NEDD1: variants seen among roughly 807,000 people sequenced by gnomAD.
NEDD1 encodes NEDD1 gamma-tubulin ring complex targeting factor, also known as protein NEDD1.
Under a neutral mutation model 74.0 loss-of-function variants are expected in NEDD1, and 33 were observed. That is an observed-to-expected ratio of 0.45 (90% CI 0.34 to 0.60). The LOEUF is 0.60. Among genes scored for constraint, NEDD1 ranks in the 20% least tolerant of loss-of-function variants. The pLI is 0.01. For synonymous variants in NEDD1, 250 were observed against 264.4 expected, an observed-to-expected ratio of 0.95 and a Z score of 0.53; for missense variants, 746 against 776.5, an observed-to-expected ratio of 0.96 and a Z score of 0.47.
At chr12:96,945,038 T>C (rs1019398764) in intron 13 of NEDD1, among the ~76,000 whole-genome samples, 3 of 151,936 alleles carry the variant, frequency 2.0e-5, no homozygotes, top group Non-Finnish European at 2.9e-5. Context: ...TATGTGTCTT[T>C]AATATGGTAG....
Position 96,951,436 on chromosome 12 carries a change from G to C in NEDD1, c.1816G>C (p.Ala606Pro). 3 of 1,551,514 alleles carry C rather than the reference G, an allele frequency of 1.9e-6. No homozygotes were observed. Among genetic ancestry groups the C allele is most frequent in the Non-Finnish European group, 2.7e-6 (3 of 1,130,186 alleles). ...AGTATTTTACATTCTTCCTAGAGAA[G>C]CATGCCATAGGGACATTGTGAATTT... ...IQETLDDFRE[A>P]CHRDIVNLQV... The change falls in exon 15 of 16, where the codon GCA (alanine) becomes CCA (proline). Residue 606 changes from alanine to proline, a missense_variant. This residue lies in a region of NEDD1 where 706 missense variants were observed against 706.7 expected (regional missense o/e 1.00). Coordinates refer to ENST00000266742, the MANE Select transcript of NEDD1 (RefSeq NM_152905.4).
At chr12:96,923,849 C>CGT (rs138392345) in intron 6 of NEDD1, among the ~76,000 whole-genome samples, 5 of 122,456 alleles carry the variant, frequency 4.1e-5, no homozygotes, top group East Asian at 2.6e-4. Flanking sequence ...TGCCTGTTTG[C>CGT]GTGTGTGTGT....
At chr12:96,926,834 A>C (rs1297934072) in intron 6 of NEDD1, among the ~76,000 whole-genome samples, 1 of 151,988 alleles carries the variant, frequency 6.6e-6, no homozygotes, top group East Asian at 1.9e-4. Flanking sequence ...AAAAAATACA[A>C]AAATTAGCCA....
chr12:96,927,193 G>A (rs1308051766), intron 6 of NEDD1, among the ~76,000 whole-genome samples: 1 of 152,088 alleles, frequency 6.6e-6, no homozygotes, highest in Non-Finnish European at 1.5e-5. Flanking sequence ...TTGCTTCTAT[G>A]AACAATCACA....
intron 6 of NEDD1, among the ~76,000 whole-genome samples, chr12:96,929,623 A>ATATAT (rs773021014): frequency 0.013 from 1,601 of 126,168 alleles, 32 homozygotes; most frequent in African/African-American, 0.044. Context: ...ATATATATAT[A>ATATAT]TTTTTTTTTT....
Position 96,909,799 on chromosome 12 carries a change from A to G in NEDD1, c.40A>G (p.Ile14Val). ...NLRFASSGDDIKIWDASSMTL... is the reference protein window; with the variant it reads ...NLRFASSGDDVKIWDASSMTL... The stretch of plus-strand genomic sequence containing the variant: ...CAGATTTGCTTCATCAGGAGATGAT[A>G]TTAAAATATGGGATGCTTCATCTAT... The change falls in exon 3 of 16, where the codon ATT becomes GTT. Residue 14 changes from isoleucine to valine, a missense_variant. This residue lies in a region of NEDD1 where 11 missense variants were observed against 19.0 expected (regional missense o/e 0.58). Transcript: ENST00000266742. 1 of 1,613,616 alleles carries G rather than the reference A, an allele frequency of 6.2e-7. No homozygotes were observed. Among genetic ancestry groups the G allele is most frequent in the Non-Finnish European group, 8.5e-7 (1 of 1,179,562 alleles).
intron 6 of NEDD1, among the ~76,000 whole-genome samples, chr12:96,927,838 T>C (rs1321450226): frequency 6.6e-6 from 1 of 152,178 alleles, no homozygotes; most frequent in Non-Finnish European, 1.5e-5. Flanking sequence ...TATACCAGAA[T>C]TGCAGCACTC....
intron 10 of NEDD1, 75 bp from the exon 11 acceptor site, chr12:96,942,502 G>A: frequency 2.7e-6 from 2 of 752,460 alleles, no homozygotes; most frequent in Admixed American, 2.1e-5. Context: ...ACTCTTTGGG[G>A]AATGAATAAG....
rs748185733 is a variant in NEDD1, at chr12:96,939,982, C to T, written c.1118-427C>T. The stretch of plus-strand genomic sequence containing the variant: ...TTGAATCCTGCTGTATGTTAGGCAT[C>T]GCTCTATATGCCTTACAGACTAAAA... On this transcript the variant is annotated intron_variant, in intron 9 of 15. Coordinates refer to ENST00000266742, the MANE Select transcript of NEDD1 (RefSeq NM_152905.4). 3.3e-5 allele frequency among the ~76,000 whole-genome samples: 5 copies of T among 151,920 alleles called. No homozygotes were observed. The East Asian group carries it at 5.8e-4, about 18-fold the overall frequency.
At chr12:96,923,786 GTT>G (rs1344638541) in intron 6 of NEDD1, among the ~76,000 whole-genome samples, 1 of 116,000 alleles carries the variant, frequency 8.6e-6, no homozygotes, top group Non-Finnish European at 1.8e-5. Context: ...CTTAATACCT[GTT>G]TGTGTGTGTG....
chr12:96,929,405 G>A (rs1876100017), intron 6 of NEDD1, among the ~76,000 whole-genome samples: 1 of 122,684 alleles, frequency 8.2e-6, no homozygotes, highest in Non-Finnish European at 1.8e-5. Context: ...CTGATCTTCT[G>A]TTGAGAACGT....
rs1290976824 is a variant in NEDD1 at position 96,909,830 on chromosome 12, T to C, written c.71T>C (p.Leu24Ser). 1.2e-6 allele frequency: 2 copies of C among 1,613,462 alleles called. No individual in the cohort carries two copies. The highest frequency in any genetic ancestry group is 1.7e-5 in the Admixed American group (1 of 59,994). The change falls in exon 3 of 16, where the codon TTG becomes TCG. Residue 24 changes from leucine to serine, a missense_variant. Transcript: ENST00000266742. ...ATATGGGATGCTTCATCTATGACAT[T>C]GGTGGATAAATTCAACCCACACACA... ...IKIWDASSMT[L>S]VDKFNPHTSP... is the part of the protein sequence containing the mutation.
At chr12:96,925,393 G>A (rs899598263) in intron 6 of NEDD1, among the ~76,000 whole-genome samples, 2 of 152,086 alleles carry the variant, frequency 1.3e-5, no homozygotes, top group African/African-American at 2.4e-5. Flanking sequence ...ACATTGTCTC[G>A]TTTAATCTTT....
chr12:96,936,784 C>T lies in NEDD1; in HGVS notation c.893C>T (p.Ala298Val), dbSNP rs1877146453. ...SAHKTSVQCI[A>V]FQYSTVLTKS... is the part of the protein sequence containing the mutation. ...CACAAGACATCTGTGCAGTGTATAG[C>T]ATTTCAGTACTCCACTGTTCTTACT... Residue 298 changes from alanine (A) to valine (V), a missense_variant, in exon 8 of 16, where the codon GCA (alanine) becomes GTA (valine). Around this residue, in one of 3 missense-constraint regions of NEDD1, gnomAD observed 706 missense variants for 706.7 expected, o/e 1.00. Coordinates refer to ENST00000266742, the MANE Select transcript of NEDD1 (RefSeq NM_152905.4). The T allele has an allele frequency of 4.4e-6, 7 of 1,608,140 alleles. No individual in the cohort carries two copies. The highest frequency in any genetic ancestry group is 6.0e-6 in the Non-Finnish European group (7 of 1,174,824).
In NEDD1 at chr12:96,935,083, T is replaced by C; in HGVS notation, c.597T>C (p.His199=). The change falls in exon 7 of 16, where the codon CAT becomes CAC. Residue 199 remains histidine (H), a synonymous_variant. Coordinates refer to ENST00000266742, the MANE Select transcript of NEDD1 (RefSeq NM_152905.4). ...ATGTAAATAGTCAGAGTCCATACCA[T>C]AACTTTGACAGTGTACACAAAGCTC... is the stretch of plus-strand genomic sequence containing the variant. ...LWDVNSQSPY[H]NFDSVHKAPA... The C allele has an allele frequency of 1.2e-6, 2 of 1,609,554 alleles. No individual in the cohort carries two copies. Among genetic ancestry groups the C allele is most frequent in the Non-Finnish European group, 1.7e-6 (2 of 1,175,794 alleles).
chr12:96,927,396 A>T (rs1042278015), intron 6 of NEDD1, among the ~76,000 whole-genome samples: 1 of 152,318 alleles, frequency 6.6e-6, no homozygotes, highest in East Asian at 1.9e-4. Context: ...GTGTCTTTCT[A>T]CAGGGGAAAA....
intron 5 of NEDD1, 22 bp from the exon 6 acceptor site, chr12:96,919,963 T>TA: frequency 1.3e-6 from 2 of 1,578,072 alleles, no homozygotes; most frequent in Non-Finnish European, 1.7e-6. Context: ...GCAGTGTACT[T>TA]ACTTTCATTT....
intron 6 of NEDD1, among the ~76,000 whole-genome samples, chr12:96,922,886 A>G (rs1438465398): frequency 6.6e-6 from 1 of 152,148 alleles, no homozygotes; most frequent in Non-Finnish European, 1.5e-5. Flanking sequence ...AGGCTGAGGC[A>G]GGCAGATCCC....
rs754776747 is a variant in NEDD1, at chr12:96,952,039, C to T, written c.1969C>T (p.Arg657Trp). Residue 657 changes from arginine (R) to tryptophan (W), a missense_variant, in exon 16 of 16, where the codon CGG becomes TGG. Physicochemically the swap from Arg to Trp is moderately radical, Grantham distance 101. This residue lies in a region of NEDD1 where 29 missense variants were observed against 50.8 expected (regional missense o/e 0.57). Coordinates refer to ENST00000266742, the MANE Select transcript of NEDD1 (RefSeq NM_152905.4). ...ACTACGAGAAGAAAACAAAAGATTA[C>T]GGGCCCACTTTTGAAATTTCAGTGA... The part of the protein sequence containing the change: ...ERLREENKRL[R>W]AHF The T allele has an allele frequency of 6.3e-6, 10 of 1,592,080 alleles. No individual in the cohort carries two copies. The highest frequency in any genetic ancestry group is 2.2e-5 in the South Asian group (2 of 90,482).
Sources: gnomAD v4.1 joint callset for allele counts (sites outside exome capture counted in the v4.1 genomes callset) on GRCh38, gnomAD v4.1.1 for gene constraint, gnomAD v4.1.1 regional missense constraint, MANE v1.5 for transcripts, NCBI Gene and HGNC (gene_info 2026-07-23, HGNC 2026-07-21) for gene names.